The following KANK4 variants were observed in gnomAD, a reference collection of about 807,000 sequenced individuals.
KANK4 encodes the protein KN motif and ankyrin repeat domains 4, also known as KN motif and ankyrin repeat domain-containing protein 4.
Under a neutral mutation model 80.8 loss-of-function variants are expected in KANK4, and 50 were observed. That is an observed-to-expected ratio of 0.62 (90% CI 0.49 to 0.78). The LOEUF is 0.78. Ranked by LOEUF, KANK4 falls within the 30% of genes least tolerant of loss-of-function variation. The pLI, the probability that KANK4 is intolerant of heterozygous loss-of-function variation, is 0.00. For missense variants in KANK4, 1,196 were observed against 1,240.1 expected, an observed-to-expected ratio of 0.96 and a Z score of 0.53; for synonymous variants, 465 against 506.9, an observed-to-expected ratio of 0.92 and a Z score of 1.11.
intron 7 of KANK4, among the ~76,000 whole-genome samples, chr1:62,257,033 CT>C (rs1200614672): frequency 2.0e-5 from 3 of 152,118 alleles, no homozygotes; most frequent in African/African-American, 7.2e-5. Context: ...GGTCTGACAC[CT>C]GCTCAGGGGC....
intron 1 of KANK4, among the ~76,000 whole-genome samples, chr1:62,299,654 T>C (rs992223152): frequency 3.9e-5 from 6 of 152,212 alleles, no homozygotes; most frequent in Admixed American, 3.9e-4. Flanking sequence ...TCTTCTTTAC[T>C]TCTGTTTCCC....
chr1:62,308,278 C>T (rs536793064), intron 1 of KANK4, among the ~76,000 whole-genome samples: 1 of 152,292 alleles, frequency 6.6e-6, no homozygotes, highest in East Asian at 1.9e-4. Flanking sequence ...GCTGGAGAGG[C>T]TCACACAGGC....
chr1:62,304,170 C>T (rs552796537), intron 1 of KANK4, among the ~76,000 whole-genome samples: 6 of 152,150 alleles, frequency 3.9e-5, no homozygotes, highest in Non-Finnish European at 5.9e-5. Context: ...CCACCATGCC[C>T]GGACCTTCAG....
intron 6 of KANK4, among the ~76,000 whole-genome samples, chr1:62,266,260 G>A (rs144438745): frequency 2.0e-5 from 3 of 152,320 alleles, no homozygotes; most frequent in East Asian, 1.9e-4. Context: ...TTGGGTAAAG[G>A]AGAGAACACC....
chr1:62,309,929 C>G (rs1400244393), intron 1 of KANK4, among the ~76,000 whole-genome samples: 1 of 152,206 alleles, frequency 6.6e-6, no homozygotes, highest in African/African-American at 2.4e-5. Context: ...GCAAGCATCA[C>G]CCGAAGGCGG....
intron 1 of KANK4, among the ~76,000 whole-genome samples, chr1:62,312,913 C>T (rs765693008): frequency 6.6e-6 from 1 of 152,220 alleles, no homozygotes; most frequent in Non-Finnish European, 1.5e-5. Context: ...TCCACGGTAT[C>T]AACTGCCTCA....
chr1:62,250,456 A>C (rs571229263), intron 8 of KANK4, among the ~76,000 whole-genome samples: 1 of 152,242 alleles, frequency 6.6e-6, no homozygotes, highest in South Asian at 2.1e-4. Flanking sequence ...TGCCCTGGAG[A>C]TCCAGAGAGA....
intron 8 of KANK4, among the ~76,000 whole-genome samples, chr1:62,250,195 C>G (rs1336397810): frequency 6.6e-6 from 1 of 151,142 alleles, no homozygotes; most frequent in Non-Finnish European, 1.5e-5. Context: ...ACCATGTTGG[C>G]CAGGCTGGCC....
At chr1:62,304,653 A>T (rs1644436939) in intron 1 of KANK4, among the ~76,000 whole-genome samples, 2 of 151,532 alleles carry the variant, frequency 1.3e-5, no homozygotes, top group South Asian at 4.2e-4. Context: ...AAGCCCAACA[A>T]CCTCATGCAT....
chr1:62,317,286 T>G (rs2149177355), intron 1 of KANK4, among the ~76,000 whole-genome samples: 1 of 152,306 alleles, frequency 6.6e-6, no homozygotes, highest in East Asian at 1.9e-4. Context: ...CCCTAAATGT[T>G]GGGCAGAGGC....
chr1:62,300,072 G>C (rs1224597787), intron 1 of KANK4, among the ~76,000 whole-genome samples: 1 of 152,082 alleles, frequency 6.6e-6, no homozygotes, highest in African/African-American at 2.4e-5. Flanking sequence ...CAGTCCTCTG[G>C]TGTATGTGGG....
At chr1:62,317,276 C>A (rs1477859385) in intron 1 of KANK4, among the ~76,000 whole-genome samples, 1 of 152,156 alleles carries the variant, frequency 6.6e-6, no homozygotes, top group Non-Finnish European at 1.5e-5. Context: ...GCACAAATCT[C>A]CCTAAATGTT....
chr1:62,259,806 A>T, intron 7 of KANK4, among the ~76,000 whole-genome samples: 1 of 150,346 alleles, frequency 6.7e-6, no homozygotes, highest in South Asian at 2.1e-4. Flanking sequence ...AATTTATCAT[A>T]AATTTAAATT....
At chr1:62,290,845 C>T (rs571170447) in intron 1 of KANK4, among the ~76,000 whole-genome samples, 66 of 151,856 alleles carry the variant, frequency 4.3e-4, no homozygotes, top group African/African-American at 1.3e-3. Context: ...CCTGGGTCCA[C>T]GCCATTCTCC....
At chr1:62,291,764 C>T (rs901441295) in intron 1 of KANK4, among the ~76,000 whole-genome samples, 14 of 152,162 alleles carry the variant, frequency 9.2e-5, no homozygotes, top group Non-Finnish European at 1.0e-4. Flanking sequence ...TGCACCACCA[C>T]GCCTGGCTAA....
chr1:62,279,812 T>C (rs985405181), intron 2 of KANK4, among the ~76,000 whole-genome samples: 5 of 152,048 alleles, frequency 3.3e-5, no homozygotes, highest in African/African-American at 1.2e-4. Flanking sequence ...AAAATAATTC[T>C]GGAGAAAGTG....
intron 9 of KANK4, 141 bp from the exon 10 acceptor site, chr1:62,238,522 C>T (rs954995330): frequency 9.8e-6 from 6 of 613,342 alleles, no homozygotes; most frequent in East Asian, 2.8e-5. Flanking sequence ...AGAGAAGATT[C>T]GAATGGCATG....
chr1:62,248,508 ATGGG>A (rs540521742), intron 8 of KANK4, among the ~76,000 whole-genome samples: 1 of 150,670 alleles, frequency 6.6e-6, no homozygotes, highest in South Asian at 2.1e-4. Flanking sequence ...AGCTGAGCTC[ATGGG>A]CACGTGCCAC....
intron 1 of KANK4, among the ~76,000 whole-genome samples, chr1:62,287,367 C>A (rs1209694632): frequency 6.6e-6 from 1 of 152,178 alleles, no homozygotes; most frequent in Non-Finnish European, 1.5e-5. Context: ...GGAAATGAAG[C>A]CTCACAGTAA....
Sources: gnomAD v4.1 joint callset for allele counts (sites outside exome capture counted in the v4.1 genomes callset) on GRCh38, gnomAD v4.1.1 for gene constraint, MANE v1.5 for transcripts, NCBI Gene and HGNC (gene_info 2026-07-23, HGNC 2026-07-21) for gene names.